The following TASOR2 variants were observed in gnomAD, a reference collection of about 807,000 sequenced individuals.
The protein encoded by TASOR2 is transcription activation suppressor family member 2.
TASOR2 carries 84 observed loss-of-function variants against 199.5 expected under a neutral mutation model. The ratio of observed to expected loss-of-function variants is 0.42; its 90% CI spans 0.35 to 0.50. TASOR2 has a LOEUF of 0.50. Among genes scored for constraint, TASOR2 ranks in the 20% least tolerant of loss-of-function variants. TASOR2 has a pLI of 0.02. For synonymous variants in TASOR2, 1,103 were observed against 1,046.6 expected (o/e 1.05, Z -1.04); for missense variants, 2,796 against 2,835.9 (o/e 0.99, Z 0.32).
At chr10:5,705,520 A>C (rs1174562089) in intron 1 of TASOR2, among the ~76,000 whole-genome samples, 1 of 152,160 alleles carries the variant, frequency 6.6e-6, no homozygotes, top group Non-Finnish European at 1.5e-5. Flanking sequence ...TTTGGGTCAT[A>C]TGGTAAGTAT....
intron 2 of TASOR2, among the ~76,000 whole-genome samples, chr10:5,715,272 T>C (rs1229401248): frequency 2.6e-5 from 4 of 151,664 alleles, no homozygotes; most frequent in African/African-American, 7.3e-5. Flanking sequence ...TTCACAATTA[T>C]AGAATTCACC....
In TASOR2 at chr10:5,730,900, T is replaced by C. The variant is rs1225061207; in HGVS notation, c.901T>C (p.Leu301=). ...CGGAATTTGTGATGCTGGATTTTCC[T>C]TAGTTATGACTCCAGATCCTGAATT... Residue 301 remains leucine (L), a synonymous_variant, in exon 11 of 21, where the codon TTA becomes CTA. Transcript: ENST00000328090. The surrounding 1 kb of genome is among the most constrained non-coding windows in gnomAD (Gnocchi z 4.1). The C allele has an allele frequency of 2.5e-6, 4 of 1,614,196 alleles. No homozygotes were observed. The South Asian group carries it at 4.4e-5, about 18-fold the overall frequency.
exon 2 of TASOR2, chr10:5,712,903 T>A: frequency 1.6e-6 from 2 of 1,230,182 alleles, no homozygotes; most frequent in Non-Finnish European, 2.0e-6. Flanking sequence ...TTCTTCTGTT[T>A]GATACTGAAA....
At chr10:5,735,366 G>A (rs1564320409) in exon 12 of TASOR2, 1 of 1,613,984 alleles carries the variant, frequency 6.2e-7, no homozygotes, top group Non-Finnish European at 8.5e-7. Flanking sequence ...AAACCAAGAA[G>A]CTCCTATTTC....
chr10:5,728,203 A>AGAGT (rs1381831421), intron 10 of TASOR2, among the ~76,000 whole-genome samples: 1 of 140,460 alleles, frequency 7.1e-6, no homozygotes, highest in African/African-American at 2.7e-5. Flanking sequence ...CCTGGGCAAC[A>AGAGT]GAGTGAGACC....
chr10:5,694,729 C>A (rs1342761476), intron 1 of TASOR2, among the ~76,000 whole-genome samples: 1 of 152,168 alleles, frequency 6.6e-6, no homozygotes, highest in East Asian at 1.9e-4. Flanking sequence ...TGTGCAGCAA[C>A]AAAAATTTGC....
At position 5,742,110 on chromosome 10, in the gene TASOR2, G is replaced by C. The variant is rs1354873827; in HGVS notation, c.2341G>C (p.Asp781His). The C allele has an allele frequency of 6.2e-7, 1 of 1,613,794 alleles. No homozygotes were observed. Among genetic ancestry groups the C allele is most frequent in the Non-Finnish European group, 8.5e-7 (1 of 1,179,998 alleles). Residue 781 changes from aspartate (D) to histidine (H), a missense_variant, in exon 14 of 21, where the codon GAT becomes CAT. Physicochemically the swap from Asp to His is moderately conservative, Grantham distance 81. Around this residue, in one of 3 missense-constraint regions of TASOR2, gnomAD observed 8 missense variants for 23.6 expected, o/e 0.34. Coordinates refer to ENST00000328090, the Ensembl canonical transcript of TASOR2. The surrounding 1 kb of genome is among the most constrained non-coding windows in gnomAD (Gnocchi z 4.2). Reference sequence around the variant, plus strand: ...GTAAACTCTTAGGCCCTGGAATACTGATTTGCCTGATAATGTGGAAGAAGT... The same window carrying C: ...GTAAACTCTTAGGCCCTGGAATACTCATTTGCCTGATAATGTGGAAGAAGT...
exon 15 of TASOR2, chr10:5,746,694 C>T: frequency 6.2e-7 from 1 of 1,614,118 alleles, no homozygotes; most frequent in Non-Finnish European, 8.5e-7. Context: ...CTGCTGCAAG[C>T]CTTAGACATC....
chr10:5,692,620 G>A (rs554374940), intron 1 of TASOR2, among the ~76,000 whole-genome samples: 2 of 152,232 alleles, frequency 1.3e-5, no homozygotes, highest in East Asian at 3.9e-4. Flanking sequence ...TTGGGTCTAC[G>A]GAGTGTGCGG....
exon 15 of TASOR2, chr10:5,749,221 C>T (rs1252634424): frequency 6.2e-7 from 1 of 1,614,030 alleles, no homozygotes; most frequent in Non-Finnish European, 8.5e-7. Flanking sequence ...AACAAAAGAA[C>T]TCAAAGATAC....
Position 5,722,122 on chromosome 10 carries a change from A to G in TASOR2, c.146+1152A>G, listed in dbSNP as rs1833441411. Reference sequence around the variant, plus strand: ...AGTCATAGTATCGTTATCATTGTGAATGTGTTGATTTTGCTTATTGCTTTG... The same window carrying G: ...AGTCATAGTATCGTTATCATTGTGAGTGTGTTGATTTTGCTTATTGCTTTG... On this transcript the variant is annotated intron_variant, in intron 6 of 20. Coordinates refer to ENST00000328090, the Ensembl canonical transcript of TASOR2. The surrounding 1 kb of genome is among the most constrained non-coding windows in gnomAD (Gnocchi z 4.0). 6.6e-6 allele frequency among the ~76,000 whole-genome samples: 1 copy of G among 152,076 alleles called. No individual in the cohort carries two copies. Among genetic ancestry groups the G allele is most frequent in the Admixed American group, 6.6e-5 (1 of 15,256 alleles).
At chr10:5,756,143 C>T (rs1355175444) in intron 15 of TASOR2, among the ~76,000 whole-genome samples, 1 of 152,156 alleles carries the variant, frequency 6.6e-6, no homozygotes, top group Non-Finnish European at 1.5e-5. Context: ...ACCGTACAAT[C>T]GCATGCTGTT....
At chr10:5,702,386 A>G (rs1489078031) in intron 1 of TASOR2, among the ~76,000 whole-genome samples, 2 of 152,110 alleles carry the variant, frequency 1.3e-5, no homozygotes, top group African/African-American at 4.8e-5. Flanking sequence ...ATCTATGTTT[A>G]TCTGTGATAT....
Position 5,720,781 on chromosome 10 carries a change from A to G in TASOR2, c.46+7A>G. On this transcript the variant is annotated splice_region_variant and intron_variant, in intron 5 of 20. Coordinates refer to ENST00000328090, the Ensembl canonical transcript of TASOR2. The surrounding 1 kb of genome is among the most constrained non-coding windows in gnomAD (Gnocchi z 5.3). ...CTTGAACGCAGTGAAAATGGTAAGAAATAGTTCATTGATTCTTTTAGGTTT... is the reference window on the plus strand; with the variant it reads ...CTTGAACGCAGTGAAAATGGTAAGAGATAGTTCATTGATTCTTTTAGGTTT... The G allele has an allele frequency of 6.2e-7, 1 of 1,610,760 alleles. No homozygotes were observed. The highest frequency in any genetic ancestry group is 8.5e-7 in the Non-Finnish European group (1 of 1,179,156).
At chr10:5,693,641 A>T (rs140488525) in intron 1 of TASOR2, among the ~76,000 whole-genome samples, 1 of 152,208 alleles carries the variant, frequency 6.6e-6, no homozygotes, top group African/African-American at 2.4e-5. Flanking sequence ...GGAGGGGGGA[A>T]CCCCCACAAA....
exon 15 of TASOR2, chr10:5,749,023 T>G: frequency 1.9e-6 from 3 of 1,613,934 alleles, no homozygotes; most frequent in African/African-American, 1.3e-5. Context: ...TGGCTATGAG[T>G]CGTCGTTGAA....
At chr10:5,734,075 T>C (rs1835224943) in intron 11 of TASOR2, among the ~76,000 whole-genome samples, 1 of 152,212 alleles carries the variant, frequency 6.6e-6, no homozygotes, top group Non-Finnish European at 1.5e-5. Flanking sequence ...ATTTTTAGTG[T>C]CCTTAGTGAG....
At chr10:5,704,173 G>A (rs1246549254) in intron 1 of TASOR2, among the ~76,000 whole-genome samples, 1 of 149,780 alleles carries the variant, frequency 6.7e-6, no homozygotes, top group African/African-American at 2.5e-5. Flanking sequence ...GCCGTGAGCC[G>A]AGATCACACC....
intron 1 of TASOR2, among the ~76,000 whole-genome samples, chr10:5,688,189 T>C (rs919464171): frequency 6.6e-6 from 1 of 152,188 alleles, no homozygotes; most frequent in Non-Finnish European, 1.5e-5. Flanking sequence ...ATGTTCTTTT[T>C]TGATACTCAT....
Sources: gnomAD v4.1 joint callset for allele counts (sites outside exome capture counted in the v4.1 genomes callset) on GRCh38, gnomAD v4.1.1 for gene constraint, gnomAD v4.1.1 regional missense constraint, Gnocchi (gnomAD v3.1) non-coding constraint, MANE v1.5 for transcripts, NCBI Gene and HGNC (gene_info 2026-07-23, HGNC 2026-07-21) for gene names.